Variants in FANCD2 observed in about 807,000 individuals in gnomAD.
The protein encoded by FANCD2 is Fanconi anemia group D2 protein.
A neutral mutation model predicts 192.3 loss-of-function variants in FANCD2; 131 were observed. The observed-to-expected ratio is 0.68, with a 90% CI of 0.59 to 0.79. FANCD2 has a LOEUF of 0.79. Among genes scored for constraint, FANCD2 ranks in the 30% least tolerant of loss-of-function variants. The pLI is 0.00. For missense variants in FANCD2, 1,508 were observed against 1,701.6 expected (o/e 0.89, Z 2.00); for synonymous variants, 524 against 612.5 (o/e 0.86, Z 2.13).
chr3:10,075,254 A>G (rs35586456), intron 29 of FANCD2, among the ~76,000 whole-genome samples: 34,112 of 150,298 alleles, frequency 0.23, 4,949 homozygotes, highest in African/African-American at 0.42. Context: ...GCGGATCTCC[A>G]CTCACTGCAA....
At chr3:10,046,294 C>G in intron 14 of FANCD2, 1 of 373,038 alleles carries the variant, frequency 2.7e-6, no homozygotes, top group Admixed American at 4.0e-5. Context: ...ACCTTGTGAT[C>G]TGCCCGCCTT....
At chr3:10,041,782 T>C (rs2086869645) in intron 10 of FANCD2, 72 bp downstream of exon 10, 20 of 984,634 alleles carry the variant, frequency 2.0e-5, no homozygotes, top group Non-Finnish European at 3.1e-5. Context: ...AGTCAGTCAT[T>C]GCCTTGGGAG....
intron 35 of FANCD2, 110 bp downstream of exon 35, chr3:10,088,652 G>T (rs1694386807): frequency 9.3e-7 from 1 of 1,079,846 alleles, no homozygotes; most frequent in Admixed American, 1.9e-5. Flanking sequence ...TGAAAACAAT[G>T]AAGTAGGTTA....
intron 1 of FANCD2, among the ~76,000 whole-genome samples, chr3:10,027,079 T>A (rs2086471088): frequency 6.6e-6 from 1 of 152,218 alleles, no homozygotes; most frequent in African/African-American, 2.4e-5. Flanking sequence ...ATAAAGCACT[T>A]GAAACAGTTC....
At chr3:10,057,606 G>T (rs1181100184) in intron 18 of FANCD2, among the ~76,000 whole-genome samples, 1 of 151,972 alleles carries the variant, frequency 6.6e-6, no homozygotes, top group African/African-American at 2.4e-5. Context: ...CTCATGATCT[G>T]CCTGTCTCAG....
chr3:10,038,047 G>A (rs903983148), intron 7 of FANCD2, among the ~76,000 whole-genome samples: 2 of 152,188 alleles, frequency 1.3e-5, no homozygotes, highest in African/African-American at 2.4e-5. Context: ...CTAGAGTACA[G>A]TGGTGCGATC....
chr3:10,087,676 C>A (rs1222995964), intron 34 of FANCD2, among the ~76,000 whole-genome samples: 1 of 151,834 alleles, frequency 6.6e-6, no homozygotes, highest in South Asian at 2.1e-4. Context: ...GAGACAGAGT[C>A]TCGTTCTGTC....
intron 26 of FANCD2, among the ~76,000 whole-genome samples, chr3:10,070,484 T>C (rs112906586): frequency 1.8e-4 from 9 of 51,404 alleles, no homozygotes; most frequent in East Asian, 5.7e-4. Context: ...CGGGCCAGCC[T>C]CCCGGTCCGG....
chr3:10,043,196 C>T (rs1435830556), intron 12 of FANCD2, 46 bp downstream of exon 12: 1 of 1,412,488 alleles, frequency 7.1e-7, no homozygotes, highest in African/African-American at 1.4e-5. Flanking sequence ...TTCTGACATC[C>T]CACTGTCAGA....
chr3:10,087,291 T>C (rs1694273702), intron 34 of FANCD2, 27 bp downstream of exon 34: 2 of 1,587,070 alleles, frequency 1.3e-6, no homozygotes, highest in African/African-American at 1.4e-5. Context: ...CTTTTTTTTT[T>C]TTTTTTTTTA....
chr3:10,073,582 C>A (rs1002707903), intron 28 of FANCD2, among the ~76,000 whole-genome samples: 1 of 152,176 alleles, frequency 6.6e-6, no homozygotes, highest in Non-Finnish European at 1.5e-5. Context: ...TAATTATTTT[C>A]TTGACTGTTT....
chr3:10,032,370 T>C, intron 2 of FANCD2: 1 of 346,594 alleles, frequency 2.9e-6, no homozygotes, highest in Admixed American at 4.0e-5. Flanking sequence ...AGCCTCAACC[T>C]CCTGGGCTCA....
At chr3:10,068,528 T>C (rs1559391202) in intron 26 of FANCD2, among the ~76,000 whole-genome samples, 1 of 152,012 alleles carries the variant, frequency 6.6e-6, no homozygotes, top group East Asian at 1.9e-4. Context: ...TTCATGTTCA[T>C]GGATCGGAAG....
intron 42 of FANCD2, among the ~76,000 whole-genome samples, chr3:10,098,430 CGACTTA>C (rs543291109): frequency 4.1e-4 from 62 of 152,176 alleles, no homozygotes; most frequent in Non-Finnish European, 6.3e-4. Flanking sequence ...TGTTCAGCAT[CGACTTA>C]GAGTCACCAA....
At chr3:10,032,242 A>G (rs2086621088) in intron 2 of FANCD2, 2 of 366,996 alleles carry the variant, frequency 5.4e-6, no homozygotes, top group Middle Eastern at 3.8e-4. Flanking sequence ...TTGGGTGGAA[A>G]ACATTTCTGT....
At chr3:10,065,809 T>G in intron 24 of FANCD2, 55 bp from the exon 25 acceptor site, 1 of 1,146,960 alleles carries the variant, frequency 8.7e-7, no homozygotes, top group Non-Finnish European at 1.3e-6. Context: ...AGAGGCAACC[T>G]CCAGGTTTTA....
At chr3:10,079,577 C>G (rs1172777974) in intron 30 of FANCD2, among the ~76,000 whole-genome samples, 1 of 152,146 alleles carries the variant, frequency 6.6e-6, no homozygotes, top group Non-Finnish European at 1.5e-5. Flanking sequence ...CCGCCCACCT[C>G]GGCCTCCCAA....
At chr3:10,090,034 A>G (rs1694490393) in intron 36 of FANCD2, among the ~76,000 whole-genome samples, 1 of 152,186 alleles carries the variant, frequency 6.6e-6, no homozygotes, top group South Asian at 2.1e-4. Flanking sequence ...TCAAACTCAG[A>G]TCTTCTCACT....
intron 17 of FANCD2, 151 bp downstream of exon 17, chr3:10,049,656 T>A: frequency 1.3e-6 from 1 of 791,302 alleles, no homozygotes; most frequent in Non-Finnish European, 2.1e-6. Context: ...TCTTTATACC[T>A]AACCTACAGG....
Sources: gnomAD v4.1 joint callset for allele counts (sites outside exome capture counted in the v4.1 genomes callset) on GRCh38, gnomAD v4.1.1 for gene constraint, MANE v1.5 for transcripts, NCBI Gene and HGNC (gene_info 2026-07-23, HGNC 2026-07-21) for gene names.